CHRM3: variants seen among roughly 807,000 people sequenced by gnomAD.
CHRM3 encodes the protein muscarinic acetylcholine receptor M3.
In CHRM3, 11 loss-of-function variants were observed where a neutral mutation model predicts 41.8. The ratio of observed to expected loss-of-function variants is 0.26; its 90% CI spans 0.17 to 0.44. The LOEUF is 0.44. CHRM3 is among the 20% of genes least tolerant of loss of function. CHRM3 has a pLI of 1.00. For synonymous variants in CHRM3, 297 were observed against 301.4 expected (o/e 0.99, Z 0.15); for missense variants, 571 against 745.4 (o/e 0.77, Z 2.72).
chr1:239,872,633 G>A (rs528276955), intron 6 of CHRM3, among the ~76,000 whole-genome samples: 3 of 152,182 alleles, frequency 2.0e-5, no homozygotes, highest in African/African-American at 7.2e-5. Flanking sequence ...TACTTTTATA[G>A]GGAAAAACAA....
chr1:239,795,737 A>C (rs543103343), intron 5 of CHRM3, among the ~76,000 whole-genome samples: 2 of 152,332 alleles, frequency 1.3e-5, no homozygotes, highest in Non-Finnish European at 2.9e-5. Flanking sequence ...AAGATTCATA[A>C]TTTTTACTGG....
intron 5 of CHRM3, among the ~76,000 whole-genome samples, chr1:239,687,777 T>C (rs1270423269): frequency 6.6e-6 from 1 of 152,138 alleles, no homozygotes; most frequent in South Asian, 2.1e-4. Flanking sequence ...GTGTTACAAT[T>C]GCCTACAATA....
intron 5 of CHRM3, among the ~76,000 whole-genome samples, chr1:239,688,696 A>T: frequency 7.4e-6 from 1 of 134,450 alleles, no homozygotes; most frequent in African/African-American, 2.8e-5. Context: ...TATAATATAT[A>T]ATATTATATA....
intron 6 of CHRM3, among the ~76,000 whole-genome samples, chr1:239,851,798 G>A (rs985904147): frequency 6.6e-6 from 1 of 151,844 alleles, no homozygotes; most frequent in South Asian, 2.1e-4. Context: ...GCATTAAAAA[G>A]GTATAGTTTT....
chr1:239,414,080 A>G (rs1661316529), intron 1 of CHRM3, among the ~76,000 whole-genome samples: 2 of 152,160 alleles, frequency 1.3e-5, no homozygotes, highest in African/African-American at 4.8e-5. Context: ...TGGTTTTATG[A>G]GCAATTTCTG....
At chr1:239,422,795 T>TAAA (rs1036264674) in intron 1 of CHRM3, among the ~76,000 whole-genome samples, 1 of 138,190 alleles carries the variant, frequency 7.2e-6, no homozygotes, top group African/African-American at 2.7e-5. Flanking sequence ...GACTCTATCT[T>TAAA]AAAAAAAACA....
intron 2 of CHRM3, among the ~76,000 whole-genome samples, chr1:239,541,952 C>T (rs991075967): frequency 1.3e-5 from 2 of 152,172 alleles, no homozygotes; most frequent in Non-Finnish European, 2.9e-5. Flanking sequence ...CAGATTGTAA[C>T]TCCTGTGAAG....
chr1:239,533,751 C>A (rs68082555), intron 2 of CHRM3, among the ~76,000 whole-genome samples: 11,296 of 51,346 alleles, frequency 0.22, 1,047 homozygotes, highest in African/African-American at 0.3. Context: ...AAAAAAAAAA[C>A]AAAAAAACCC....
At chr1:239,424,970 G>C (rs187245151) in intron 1 of CHRM3, among the ~76,000 whole-genome samples, 22 of 152,346 alleles carry the variant, frequency 1.4e-4, no homozygotes, top group African/African-American at 5.3e-4. Context: ...TGGGTGCAGA[G>C]TGGGTAATGC....
intron 2 of CHRM3, among the ~76,000 whole-genome samples, chr1:239,541,868 C>T (rs1658814255): frequency 6.6e-6 from 1 of 152,156 alleles, no homozygotes; most frequent in South Asian, 2.1e-4. Context: ...TCTTCCTTTA[C>T]TTGTTCATTC....
intron 5 of CHRM3, among the ~76,000 whole-genome samples, chr1:239,787,517 A>T (rs1669002001): frequency 6.6e-6 from 1 of 152,126 alleles, no homozygotes; most frequent in South Asian, 2.1e-4. Context: ...AATAACCTGG[A>T]TTCTTGAGAG....
intron 5 of CHRM3, among the ~76,000 whole-genome samples, chr1:239,718,555 G>A (rs1430119141): frequency 6.6e-6 from 1 of 151,886 alleles, no homozygotes; most frequent in Non-Finnish European, 1.5e-5. Flanking sequence ...TTTTTCAGAG[G>A]TGGTATTTCT....
In CHRM3 at chr1:239,687,057, TG is replaced by T. The variant is rs1253574590; in HGVS notation, c.-147+8770del. On this transcript the variant is annotated intron_variant, in intron 5 of 6. Coordinates refer to ENST00000676153, the MANE Select transcript of CHRM3 (RefSeq NM_001375978.1). ...TCAAATGTTATCCATTCATTCAATA[TG>T]TATTGATTGTCTTAATATATGTAAG... Among the ~76,000 whole-genome samples the T allele has an allele frequency of 1.8e-4, 27 of 152,062 alleles. No homozygotes were observed. The South Asian group carries it at 5.4e-3, about 30-fold the overall frequency.
At chr1:239,397,022 T>C (rs2102951062) in intron 1 of CHRM3, among the ~76,000 whole-genome samples, 1 of 152,330 alleles carries the variant, frequency 6.6e-6, no homozygotes, top group African/African-American at 2.4e-5. Context: ...CAGCAATTTC[T>C]CTCTCTGCTC....
intron 6 of CHRM3, among the ~76,000 whole-genome samples, chr1:239,876,716 G>A (rs1185083950): frequency 1.3e-5 from 2 of 152,166 alleles, no homozygotes; most frequent in Non-Finnish European, 1.5e-5. Flanking sequence ...AGAAGGGCAG[G>A]AATAAACAGC....
rs1407227285 is a variant in CHRM3, at chr1:239,698,931, CACTT to C, written c.-147+20648_-147+20651del. On this transcript the variant is annotated intron_variant, in intron 5 of 6. Coordinates refer to ENST00000676153, the MANE Select transcript of CHRM3 (RefSeq NM_001375978.1). The stretch of plus-strand genomic sequence containing the variant: ...GTTGACATGCAGGTATGTTCTCACA[CACTT>C]ACTTCTTTCAGCATAATTCTAAAAC... Among the ~76,000 whole-genome samples, 6 of 152,288 alleles carry C rather than the reference CACTT, an allele frequency of 3.9e-5. No homozygotes were observed. The East Asian group carries it at 9.6e-4, about 24-fold the overall frequency.
chr1:239,523,586 C>T (rs770820729), intron 2 of CHRM3, among the ~76,000 whole-genome samples: 4 of 152,170 alleles, frequency 2.6e-5, no homozygotes, highest in Admixed American at 2.6e-4. Context: ...TGAAAATTCT[C>T]ATTGGATGAC....
At chr1:239,865,053 G>A (rs1675974408) in intron 6 of CHRM3, among the ~76,000 whole-genome samples, 2 of 152,162 alleles carry the variant, frequency 1.3e-5, no homozygotes, top group Non-Finnish European at 2.9e-5. Flanking sequence ...GGCATTGTAT[G>A]TAATAGTAGA....
At position 239,654,024 on chromosome 1, in the gene CHRM3, C is replaced by T. The variant is rs143224021; in HGVS notation, c.-250+21738C>T. On this transcript the variant is annotated intron_variant, in intron 4 of 6. Coordinates refer to ENST00000676153, the MANE Select transcript of CHRM3 (RefSeq NM_001375978.1). The stretch of plus-strand genomic sequence containing the variant: ...TTGCCTAGGCTGGAGTGCAGTGGCA[C>T]GATCACAGCTCTCTGCAGCCTCAAC... Among the ~76,000 whole-genome samples, 374 of 152,260 alleles carry T rather than the reference C, an allele frequency of 2.5e-3. 1 individual carries two copies. The highest frequency in any genetic ancestry group is 8.6e-3 in the African/African-American group (357 of 41,550).
Sources: allele counts gnomAD v4.1 joint callset (sites outside exome capture counted in the v4.1 genomes callset), GRCh38; gene constraint gnomAD v4.1.1; transcripts MANE v1.5; gene names NCBI Gene and HGNC (gene_info 2026-07-23, HGNC 2026-07-21).